SEC23B: variants seen among roughly 807,000 people sequenced by gnomAD.
SEC23B encodes protein transport protein Sec23B.
In SEC23B, 77 loss-of-function variants were observed where a neutral mutation model predicts 104.3. The observed-to-expected ratio is 0.74, with a 90% CI of 0.61 to 0.89. SEC23B has a LOEUF of 0.89. Among genes scored for constraint, SEC23B ranks in the 40% least tolerant of loss-of-function variants. The probability of loss-of-function intolerance (pLI) is 0.00; values close to 1 mark genes in which losing one functional copy is unlikely to be tolerated. For missense variants in SEC23B, 885 were observed against 949.4 expected (o/e 0.93, Z 0.89); for synonymous variants, 338 against 332.5 (o/e 1.02, Z -0.18).
chr20:18,520,554 T>C (rs2060073655), intron 4 of SEC23B, among the ~76,000 whole-genome samples: 1 of 152,016 alleles, frequency 6.6e-6, no homozygotes, highest in African/African-American at 2.4e-5. Flanking sequence ...ATAATTTAGT[T>C]AAAATGTCTC....
intron 1 of SEC23B, among the ~76,000 whole-genome samples, chr20:18,510,466 A>G (rs2059971664): frequency 6.6e-6 from 1 of 152,192 alleles, no homozygotes; most frequent in Non-Finnish European, 1.5e-5. Flanking sequence ...AGTATTTAAG[A>G]AACACTGTGT....
At chr20:18,530,388 ATTGTGGCTACTAATC>A (rs1323969196) in intron 9 of SEC23B, among the ~76,000 whole-genome samples, 1 of 151,706 alleles carries the variant, frequency 6.6e-6, no homozygotes, top group Non-Finnish European at 1.5e-5. Context: ...AGTAGCTGGG[ATTGTGGCTACTAATC>A]TTTGTGTTTT....
chr20:18,531,852 C>G lies in SEC23B; in HGVS notation c.1234-812C>G, dbSNP rs573917295. On this transcript the variant is annotated intron_variant, in intron 10 of 19. Coordinates refer to ENST00000650089, the MANE Select transcript of SEC23B (RefSeq NM_006363.6). The stretch of plus-strand genomic sequence containing the variant: ...ATTGCATGAGCTTTGGAATTACAGA[C>G]CAGCCTGGGCAACATAGCAAGACCC... 4.6e-5 allele frequency among the ~76,000 whole-genome samples: 7 copies of G among 151,576 alleles called. No individual in the cohort carries two copies. The East Asian group carries it at 7.8e-4, about 17-fold the overall frequency.
chr20:18,516,615 G>A (rs903776553), intron 4 of SEC23B, among the ~76,000 whole-genome samples: 5 of 148,762 alleles, frequency 3.4e-5, no homozygotes, highest in African/African-American at 1.2e-4. Flanking sequence ...GCAGTGGCAC[G>A]ATCTCGGCTC....
At position 18,545,941 on chromosome 20, in the gene SEC23B, ATTTTC is replaced by A; in HGVS notation, c.1666-11_1666-7del. 1 of 1,463,752 alleles carries A rather than the reference ATTTTC, an allele frequency of 6.8e-7. No homozygotes were observed. Among genetic ancestry groups the A allele is most frequent in the Non-Finnish European group, 9.6e-7 (1 of 1,043,118 alleles). 90.7% of individuals were successfully genotyped at this position (1,463,752 alleles called of 1,614,324 possible). A position where few individuals can be genotyped will look rare whatever the true frequency, so the allele number is the denominator to read the frequency against. ...TGTGTGTGTTTGTTTGTTTTTTGGTATTTTCTTTCCATAGTGTCAAAAGTTTGGAC... is the reference window on the plus strand; with the variant it reads ...TGTGTGTGTTTGTTTGTTTTTTGGTATTTCCATAGTGTCAAAAGTTTGGAC... On this transcript the variant is annotated splice_polypyrimidine_tract_variant and intron_variant, in intron 14 of 19. Coordinates refer to ENST00000650089, the MANE Select transcript of SEC23B (RefSeq NM_006363.6).
At chr20:18,550,052 T>C (rs944352407) in intron 16 of SEC23B, among the ~76,000 whole-genome samples, 1 of 122,958 alleles carries the variant, frequency 8.1e-6, no homozygotes, top group African/African-American at 3.0e-5. Flanking sequence ...ATTATATATG[T>C]ATATATAAGA....
chr20:18,560,103 T>TGC (rs1285466269), intron 19 of SEC23B, among the ~76,000 whole-genome samples: 3 of 151,002 alleles, frequency 2.0e-5, no homozygotes, highest in African/African-American at 7.3e-5. Context: ...TTATTGTGTG[T>TGC]GTGTGTATAT....
chr20:18,548,449 T>C (rs949639729), intron 15 of SEC23B, among the ~76,000 whole-genome samples, 160 bp from the exon 16 acceptor site: 3 of 152,178 alleles, frequency 2.0e-5, no homozygotes, highest in African/African-American at 7.2e-5. Flanking sequence ...GTTTTCCTCT[T>C]TCCCTAGCCC....
intron 12 of SEC23B, among the ~76,000 whole-genome samples, chr20:18,539,529 G>A (rs1174119274): frequency 1.4e-5 from 2 of 142,264 alleles, no homozygotes; most frequent in Non-Finnish European, 3.1e-5. Flanking sequence ...AAAAAAAAAA[G>A]AGATGGGGTC....
At chr20:18,517,320 A>G (rs1022736337) in intron 4 of SEC23B, among the ~76,000 whole-genome samples, 1 of 152,226 alleles carries the variant, frequency 6.6e-6, no homozygotes, top group Admixed American at 6.5e-5. Flanking sequence ...TGGATCTCAC[A>G]AAGTACGTTC....
intron 4 of SEC23B, among the ~76,000 whole-genome samples, chr20:18,518,160 T>G (rs1309222490): frequency 6.6e-6 from 1 of 152,170 alleles, no homozygotes; most frequent in Non-Finnish European, 1.5e-5. Flanking sequence ...TGGTCCGTTA[T>G]CGGACTGTAT....
intron 4 of SEC23B, among the ~76,000 whole-genome samples, chr20:18,519,971 C>T (rs1484062604): frequency 2.6e-5 from 4 of 151,950 alleles, no homozygotes; most frequent in East Asian, 1.9e-4. Context: ...CGAAGCCTTG[C>T]GGCAGTAGAG....
At chr20:18,523,239 C>T (rs2060100561) in intron 4 of SEC23B, among the ~76,000 whole-genome samples, 1 of 151,956 alleles carries the variant, frequency 6.6e-6, no homozygotes, top group Admixed American at 6.6e-5. Flanking sequence ...TTTGACTCTC[C>T]TCAAATGTGC....
chr20:18,524,375 A>C, intron 4 of SEC23B, 58 bp from the exon 5 acceptor site: 2 of 1,304,006 alleles, frequency 1.5e-6, no homozygotes, highest in South Asian at 2.4e-5. Context: ...TTGCCTTAAA[A>C]AGTGCTGGTT....
At chr20:18,525,076 T>G in intron 6 of SEC23B, 56 bp downstream of exon 6, 1 of 1,427,964 alleles carries the variant, frequency 7.0e-7, no homozygotes, top group Admixed American at 1.7e-5. Flanking sequence ...AGATGATCCA[T>G]GGGAGTAAGG....
At chr20:18,526,561 C>G in intron 8 of SEC23B, 30 bp downstream of exon 8, 1 of 1,612,528 alleles carries the variant, frequency 6.2e-7, no homozygotes, top group Middle Eastern at 1.7e-4. Flanking sequence ...GGCTGTAATT[C>G]TGAAAGCCCA....
chr20:18,521,506 A>C (rs2060083599), intron 4 of SEC23B, among the ~76,000 whole-genome samples: 1 of 152,224 alleles, frequency 6.6e-6, no homozygotes, highest in Non-Finnish European at 1.5e-5. Context: ...AGGAGCATTA[A>C]ACTTGACTAT....
chr20:18,521,779 G>T (rs964501202), intron 4 of SEC23B, among the ~76,000 whole-genome samples: 2 of 152,152 alleles, frequency 1.3e-5, no homozygotes, highest in Non-Finnish European at 2.9e-5. Flanking sequence ...TGAAGGAACA[G>T]ACAGGAGAGA....
chr20:18,518,921 G>A (rs1392928260), intron 4 of SEC23B, among the ~76,000 whole-genome samples: 3 of 152,124 alleles, frequency 2.0e-5, no homozygotes, highest in African/African-American at 4.8e-5. Context: ...ATAACAGCAT[G>A]GTGGTGCAGG....
Sources: allele counts gnomAD v4.1 joint callset (sites outside exome capture counted in the v4.1 genomes callset), GRCh38; gene constraint gnomAD v4.1.1; transcripts MANE v1.5; gene names NCBI Gene and HGNC (gene_info 2026-07-23, HGNC 2026-07-21).